The following CCDC28A variants were observed in gnomAD, a reference collection of about 807,000 sequenced individuals.
The protein encoded by CCDC28A is coiled-coil domain-containing protein 28A.
A neutral mutation model predicts 22.1 loss-of-function variants in CCDC28A; 24 were observed. The observed-to-expected ratio is 1.09, with a 90% CI of 0.79 to 1.53. The LOEUF (loss-of-function observed/expected upper bound fraction) is 1.53, where lower values mean the gene tolerates loss of function less well. CCDC28A is among the 40% of genes most tolerant of loss of function. The pLI is 0.00. For synonymous variants in CCDC28A, 83 were observed against 74.7 expected, an observed-to-expected ratio of 1.11 and a Z score of -0.57; for missense variants, 170 against 210.7, an observed-to-expected ratio of 0.81 and a Z score of 1.20.
chr6:138,791,359 G>A (rs929613123), intron 5 of CCDC28A, among the ~76,000 whole-genome samples: 3 of 152,116 alleles, frequency 2.0e-5, no homozygotes, highest in Non-Finnish European at 2.9e-5. Flanking sequence ...TGGGATTCCA[G>A]GCGTGAGTCA....
At chr6:138,777,311 G>C (rs1365280843) in intron 2 of CCDC28A, among the ~76,000 whole-genome samples, 1 of 152,210 alleles carries the variant, frequency 6.6e-6, no homozygotes, top group Non-Finnish European at 1.5e-5. Flanking sequence ...AGAAGATTTG[G>C]AAGAAGTATT....
Sources: gnomAD v4.1 joint callset for allele counts (sites outside exome capture counted in the v4.1 genomes callset) on GRCh38, gnomAD v4.1.1 for gene constraint, MANE v1.5 for transcripts, NCBI Gene and HGNC (gene_info 2026-07-23, HGNC 2026-07-21) for gene names.